GABRR2: variants seen among roughly 807,000 people sequenced by gnomAD.
The protein encoded by GABRR2 is gamma-aminobutyric acid receptor subunit rho-2.
GABRR2 carries 36 observed loss-of-function variants against 47.0 expected under a neutral mutation model. The ratio of observed to expected loss-of-function variants is 0.77; its 90% CI spans 0.59 to 1.01. The LOEUF (loss-of-function observed/expected upper bound fraction) is 1.01. GABRR2 is among the 50% of genes least tolerant of loss of function. The pLI, the probability that GABRR2 is intolerant of heterozygous loss-of-function variation, is 0.00. For synonymous variants in GABRR2, 204 were observed against 227.5 expected (o/e 0.90, Z 0.93); for missense variants, 587 against 594.6 (o/e 0.99, Z 0.13).
chr6:89,256,276 T>C lies in GABRR2; in HGVS notation c.*1394A>G, dbSNP rs1773598133. Among the ~76,000 whole-genome samples the C allele has an allele frequency of 6.6e-6, 1 of 151,438 alleles. No individual in the cohort carries two copies. Among genetic ancestry groups the C allele is most frequent in the African/African-American group, 2.4e-5 (1 of 41,148 alleles). ...TTTTTCCTCCCTTGGAATTCCCATC[T>C]CACACTGAACTATTACTGAGGCACT... On this transcript the variant is annotated 3_prime_UTR_variant, in exon 9 of 9. Coordinates refer to ENST00000402938, the MANE Select transcript of GABRR2 (RefSeq NM_002043.5).
intron 4 of GABRR2, 32 bp from the exon 5 acceptor site, chr6:89,268,128 G>GTCACCACA: frequency 6.5e-7 from 1 of 1,543,766 alleles, no homozygotes; most frequent in South Asian, 1.2e-5. Flanking sequence ...ATTGGCTTGT[G>GTCACCACA]CGGTGAATTA....
At chr6:89,265,505 T>C in intron 7 of GABRR2, 108 bp downstream of exon 7, 1 of 1,261,368 alleles carries the variant, frequency 7.9e-7, no homozygotes, top group Non-Finnish European at 1.1e-6. Context: ...CTTCTGACTC[T>C]AACAGCTCAT....
intron 2 of GABRR2, among the ~76,000 whole-genome samples, chr6:89,290,191 G>T (rs1281436488): frequency 6.6e-6 from 1 of 152,198 alleles, no homozygotes; most frequent in Non-Finnish European, 1.5e-5. Context: ...GCCCAGAATG[G>T]CTCAGTCCAG....
chr6:89,281,831 A>G (rs1774258306), intron 2 of GABRR2, among the ~76,000 whole-genome samples: 1 of 152,036 alleles, frequency 6.6e-6, no homozygotes, highest in Non-Finnish European at 1.5e-5. Flanking sequence ...CTTTTGGCAA[A>G]TCCATGGTCC....
intron 8 of GABRR2, among the ~76,000 whole-genome samples, chr6:89,259,130 G>T (rs74596327): frequency 5.9e-4 from 90 of 152,162 alleles, no homozygotes; most frequent in African/African-American, 2.1e-3. Flanking sequence ...GGCTTCCACT[G>T]GTGCCTGGAT....
rs150780451 is a variant in GABRR2, at chr6:89,300,012, G to A, written c.114-147C>T. 3.6e-4 allele frequency: 223 copies of A among 612,914 alleles called. 1 individual carries two copies. The highest frequency in any genetic ancestry group is 1.9e-3 in the African/African-American group (104 of 54,400). 38.0% of individuals were successfully genotyped at this position (612,914 alleles called of 1,614,324 possible). On this transcript the variant is annotated intron_variant, in intron 1 of 8. Coordinates refer to ENST00000402938, the MANE Select transcript of GABRR2 (RefSeq NM_002043.5). The stretch of plus-strand genomic sequence containing the variant: ...GCCCAGGGGAGAAGGAGGGCTGAAG[G>A]ACCCTCCACACACACGCCAGATCCT...
chr6:89,309,676 C>T (rs145050111), intron 1 of GABRR2, among the ~76,000 whole-genome samples: 1 of 152,254 alleles, frequency 6.6e-6, no homozygotes, highest in East Asian at 1.9e-4. Flanking sequence ...ACATGCATGG[C>T]CTCCCCACTA....
At chr6:89,291,305 C>A (rs1030649554) in intron 2 of GABRR2, among the ~76,000 whole-genome samples, 3 of 152,146 alleles carry the variant, frequency 2.0e-5, no homozygotes, top group Non-Finnish European at 2.9e-5. Context: ...GTCTAGCCTC[C>A]TCCACACAGG....
chr6:89,275,009 C>G (rs748113108), intron 2 of GABRR2, among the ~76,000 whole-genome samples: 1 of 152,134 alleles, frequency 6.6e-6, no homozygotes, highest in Non-Finnish European at 1.5e-5. Flanking sequence ...GAAATACATG[C>G]TTAGCCAAGG....
intron 2 of GABRR2, among the ~76,000 whole-genome samples, chr6:89,291,789 G>C (rs1230553911): frequency 1.3e-5 from 2 of 152,128 alleles, no homozygotes; most frequent in Non-Finnish European, 2.9e-5. Context: ...TCAGCTTCTT[G>C]AGAACAATAT....
chr6:89,264,402 G>T lies in GABRR2; in HGVS notation c.1086+10C>A. The stretch of plus-strand genomic sequence containing the variant: ...ATGGACTTAGACAAGGGCCGAAGAA[G>T]CCCTCTCACCTTCTCCCGCAGCTTC... On this transcript the variant is annotated intron_variant, in intron 8 of 8. Coordinates refer to ENST00000402938, the MANE Select transcript of GABRR2 (RefSeq NM_002043.5). The T allele has an allele frequency of 6.2e-7, 1 of 1,611,062 alleles. No individual in the cohort carries two copies. The highest frequency in any genetic ancestry group is 1.1e-5 in the South Asian group (1 of 90,852).
At position 89,268,992 on chromosome 6, in the gene GABRR2, A is replaced by G. The variant is rs1331322998; in HGVS notation, c.512+19T>C. 3.1e-6 allele frequency: 5 copies of G among 1,606,508 alleles called. No individual in the cohort carries two copies. Among genetic ancestry groups the G allele is most frequent in the Admixed American group, 3.3e-5 (2 of 59,998 alleles). ...CAGAAAGGCACTGGACAGAGGAACAATGGCCCCCAGACAGCTACCTCATGC... is the reference window on the plus strand; with the variant it reads ...CAGAAAGGCACTGGACAGAGGAACAGTGGCCCCCAGACAGCTACCTCATGC... On this transcript the variant is annotated intron_variant, in intron 4 of 8. Transcript: ENST00000402938.
chr6:89,273,911 G>A (rs1337185076), intron 2 of GABRR2, among the ~76,000 whole-genome samples: 1 of 152,204 alleles, frequency 6.6e-6, no homozygotes, highest in East Asian at 1.9e-4. Context: ...CAGGTGACCT[G>A]CTGGATACAG....
chr6:89,286,650 G>T (rs1195535861), intron 2 of GABRR2, among the ~76,000 whole-genome samples: 1 of 152,000 alleles, frequency 6.6e-6, no homozygotes, highest in Non-Finnish European at 1.5e-5. Flanking sequence ...TCCTTCAGGA[G>T]CATGGTGACC....
At chr6:89,276,879 T>A (rs1267585858) in intron 2 of GABRR2, among the ~76,000 whole-genome samples, 2 of 152,140 alleles carry the variant, frequency 1.3e-5, no homozygotes, top group Non-Finnish European at 2.9e-5. Flanking sequence ...TATGAAATCA[T>A]CAAAAGTACC....
chr6:89,264,780 T>A (rs1276367340), intron 7 of GABRR2, among the ~76,000 whole-genome samples, 172 bp from the exon 8 acceptor site: 1 of 152,130 alleles, frequency 6.6e-6, no homozygotes, highest in East Asian at 1.9e-4. Context: ...AGGCCTATTC[T>A]CCTCAGAGCC....
At chr6:89,297,918 C>T (rs1774585125) in intron 2 of GABRR2, among the ~76,000 whole-genome samples, 1 of 152,208 alleles carries the variant, frequency 6.6e-6, no homozygotes, top group South Asian at 2.1e-4. Context: ...CCACTGTACG[C>T]CTCTATGCTC....
chr6:89,309,276 C>T (rs773985629), intron 1 of GABRR2, among the ~76,000 whole-genome samples: 14 of 152,148 alleles, frequency 9.2e-5, no homozygotes, highest in Non-Finnish European at 1.6e-4. Flanking sequence ...ATCCTCCAGA[C>T]GTGTAGGTGG....
At position 89,267,803 on chromosome 6, in the gene GABRR2, T is replaced by A. The variant is rs1418712583; in HGVS notation, c.612A>T (p.Glu204Asp). ...CATTCTTCCAGTACAGCATTAGATC[T>A]TCATCTGTATAGGCATCTTTGGGAA... ...LELESYAYTD[E>D]DLMLYWKNGD... The change falls in exon 6 of 9, where the codon GAA (glutamate) becomes GAT (aspartate). Residue 204 changes from glutamate (E) to aspartate (D), a missense_variant. Physicochemically the swap from Glu to Asp is conservative, Grantham distance 45. Transcript: ENST00000402938. 6.2e-7 allele frequency: 1 copy of A among 1,613,300 alleles called. No homozygotes were observed. The highest frequency in any genetic ancestry group is 1.7e-5 in the Admixed American group (1 of 59,910).
Sources: gnomAD v4.1 joint callset for allele counts (sites outside exome capture counted in the v4.1 genomes callset) on GRCh38, gnomAD v4.1.1 for gene constraint, MANE v1.5 for transcripts, NCBI Gene and HGNC (gene_info 2026-07-23, HGNC 2026-07-21) for gene names.